Variants in TTC28 observed in about 807,000 individuals in gnomAD.
The protein encoded by TTC28 is tetratricopeptide repeat domain 28.
TTC28 carries 61 observed loss-of-function variants against 198.0 expected under a neutral mutation model. The ratio of observed to expected loss-of-function variants is 0.31; its 90% confidence interval spans 0.25 to 0.38. The LOEUF (loss-of-function observed/expected upper bound fraction) is 0.38. TTC28 is among the 10% of genes least tolerant of loss of function. The pLI, the probability that TTC28 is intolerant of heterozygous loss-of-function variation, is 1.00. For missense variants in TTC28, 2,678 were observed against 3,164.0 expected (o/e 0.85, Z 3.69); for synonymous variants, 1,171 against 1,297.8 (o/e 0.90, Z 2.10).
intron 2 of TTC28, among the ~76,000 whole-genome samples, chr22:28,394,593 C>T (rs998513510): frequency 6.6e-6 from 1 of 152,160 alleles, no homozygotes; most frequent in African/African-American, 2.4e-5. Flanking sequence ...CAACAACATC[C>T]GTATGACTGT....
chr22:28,106,516 C>T (rs1942309221), intron 7 of TTC28, among the ~76,000 whole-genome samples: 1 of 152,162 alleles, frequency 6.6e-6, no homozygotes, highest in Non-Finnish European at 1.5e-5. Flanking sequence ...TAATACAAAA[C>T]TGTTAAAACT....
In TTC28 at chr22:27,979,099, C is replaced by T. The variant is rs1936936032; in HGVS notation, c.*3122G>A. ...CTCCCCGGACGCCAGTCAGTCTATC[C>T]ACTACCTGACTTGCTTTTCCTAGAC... is the stretch of plus-strand genomic sequence containing the variant. On this transcript the variant is annotated 3_prime_UTR_variant, in exon 23 of 23. Transcript: ENST00000397906. 2.0e-5 allele frequency: 3 copies of T among 152,242 alleles called. No homozygotes were observed. The highest frequency in any genetic ancestry group is 2.0e-4 in the Admixed American group (3 of 15,284). 9.4% of individuals were successfully genotyped at this position (152,242 alleles called of 1,614,324 possible). A position where few individuals can be genotyped will look rare whatever the true frequency, so the allele number is the denominator to read the frequency against.
intron 5 of TTC28, among the ~76,000 whole-genome samples, chr22:28,285,858 G>T (rs1394432007): frequency 1.3e-5 from 2 of 151,966 alleles, no homozygotes; most frequent in Non-Finnish European, 2.9e-5. Context: ...TGTTTGTAAT[G>T]GCAAGAAAAC....
intron 2 of TTC28, among the ~76,000 whole-genome samples, chr22:28,386,601 T>C (rs1054188160): frequency 2.0e-5 from 3 of 152,160 alleles, no homozygotes; most frequent in Admixed American, 6.5e-5. Context: ...GACACAGGTA[T>C]TTCTTTCTAT....
At chr22:28,589,871 C>T (rs542304204) in intron 2 of TTC28, among the ~76,000 whole-genome samples, 1 of 151,512 alleles carries the variant, frequency 6.6e-6, no homozygotes, top group South Asian at 2.1e-4. Flanking sequence ...AACCCCGTCT[C>T]TACTAAAAAT....
At chr22:28,217,380 C>G (rs1927490794) in intron 5 of TTC28, among the ~76,000 whole-genome samples, 1 of 152,162 alleles carries the variant, frequency 6.6e-6, no homozygotes. Flanking sequence ...TTGCCATATA[C>G]CTATTACATC....
At chr22:28,294,429 A>G (rs923734061) in intron 5 of TTC28, among the ~76,000 whole-genome samples, 15 of 152,216 alleles carry the variant, frequency 9.9e-5, no homozygotes, top group Non-Finnish European at 2.1e-4. Flanking sequence ...ATGATATCAT[A>G]GAGAATGTCC....
chr22:28,574,385 AGTGT>A (rs1171207832), intron 2 of TTC28, among the ~76,000 whole-genome samples: 2 of 145,340 alleles, frequency 1.4e-5, no homozygotes, highest in South Asian at 2.1e-4. Flanking sequence ...GTTGTGTGTG[AGTGT>A]GTGTGTGTTC....
intron 2 of TTC28, among the ~76,000 whole-genome samples, chr22:28,400,179 G>A (rs2046882806): frequency 6.6e-6 from 1 of 151,934 alleles, no homozygotes; most frequent in South Asian, 2.1e-4. Flanking sequence ...ATGAAATTCG[G>A]TTATTCAAGA....
At chr22:28,394,425 C>T (rs1185521830) in intron 2 of TTC28, among the ~76,000 whole-genome samples, 4 of 152,320 alleles carry the variant, frequency 2.6e-5, no homozygotes, top group African/African-American at 7.2e-5. Context: ...AATCTAAAAT[C>T]AATTTGTCTT....
chr22:28,185,591 T>C (rs1601442765), intron 5 of TTC28, among the ~76,000 whole-genome samples: 2 of 152,152 alleles, frequency 1.3e-5, no homozygotes, highest in African/African-American at 4.8e-5. Context: ...CTGTCAATTA[T>C]AAGAATTTTA....
At chr22:28,659,955 C>T (rs1374358988) in intron 1 of TTC28, among the ~76,000 whole-genome samples, 3 of 151,950 alleles carry the variant, frequency 2.0e-5, no homozygotes, top group Non-Finnish European at 2.9e-5. Context: ...CACACCACCA[C>T]GCCCAACTAA....
intron 2 of TTC28, among the ~76,000 whole-genome samples, chr22:28,613,760 ACT>A (rs1325182438): frequency 1.3e-5 from 2 of 152,182 alleles, no homozygotes; most frequent in African/African-American, 2.4e-5. Context: ...CATGATAAAA[ACT>A]CTCAATAAAC....
intron 5 of TTC28, among the ~76,000 whole-genome samples, chr22:28,191,146 T>C (rs992168428): frequency 6.6e-6 from 1 of 152,232 alleles, no homozygotes; most frequent in East Asian, 1.9e-4. Flanking sequence ...TTCTAGGCCA[T>C]GGTTAACATT....
intron 2 of TTC28, among the ~76,000 whole-genome samples, chr22:28,553,119 C>T (rs1257348007): frequency 2.6e-5 from 4 of 152,200 alleles, no homozygotes; most frequent in Non-Finnish European, 5.9e-5. Flanking sequence ...AGTGCAGTGG[C>T]GTGATCTCCG....
chr22:28,355,864 T>C (rs1338348148), intron 2 of TTC28, among the ~76,000 whole-genome samples: 1 of 152,192 alleles, frequency 6.6e-6, no homozygotes, highest in Non-Finnish European at 1.5e-5. Flanking sequence ...TGTGTGGCCT[T>C]CTGCTCCAGC....
In TTC28 at chr22:27,982,789, G is replaced by A. The variant is rs1349634467; in HGVS notation, c.6878C>T (p.Ser2293Phe). Reference sequence around the variant, plus strand: ...TTTGGAAATGTGAGCGCTGTAAGGAGAGCTGGGGTACTTCAGTTTAAAGAG... The same window carrying A: ...TTTGGAAATGTGAGCGCTGTAAGGAAAGCTGGGGTACTTCAGTTTAAAGAG... ...QPLFKLKYPS[S>F]PYSAHISKSP... is the part of the protein sequence containing the mutation. Residue 2293 changes from serine (S) to phenylalanine (F), a missense_variant, in exon 23 of 23, where the codon TCT becomes TTT. Physicochemically the swap from Ser to Phe is radical, Grantham distance 155. Coordinates refer to ENST00000397906, the MANE Select transcript of TTC28 (RefSeq NM_001145418.2). The surrounding 1 kb of genome is among the most constrained non-coding windows in gnomAD (Gnocchi z 5.2). The A allele has an allele frequency of 6.5e-7, 1 of 1,546,326 alleles. No individual in the cohort carries two copies. The highest frequency in any genetic ancestry group is 2.0e-5 in the Admixed American group (1 of 50,652).
At chr22:28,658,967 A>C (rs1300861537) in intron 1 of TTC28, among the ~76,000 whole-genome samples, 3 of 152,198 alleles carry the variant, frequency 2.0e-5, no homozygotes, top group African/African-American at 7.2e-5. Context: ...ACTGCACTCT[A>C]GCCTGGGTGA....
intron 2 of TTC28, among the ~76,000 whole-genome samples, chr22:28,343,623 G>A (rs1376301750): frequency 6.6e-6 from 1 of 151,932 alleles, no homozygotes; most frequent in African/African-American, 2.4e-5. Context: ...GCACAAGTAA[G>A]TCCTTTAAGT....
Sources: allele counts gnomAD v4.1 joint callset (sites outside exome capture counted in the v4.1 genomes callset), GRCh38; gene constraint gnomAD v4.1.1; non-coding constraint Gnocchi (gnomAD v3.1); transcripts MANE v1.5; gene names NCBI Gene and HGNC (gene_info 2026-07-23, HGNC 2026-07-21).